The following UBE2E3 variants were observed in gnomAD, a reference collection of about 807,000 sequenced individuals.
UBE2E3 encodes the protein ubiquitin-conjugating enzyme E2 E3.
UBE2E3 carries 5 observed loss-of-function variants against 23.6 expected under a neutral mutation model. The observed-to-expected ratio is 0.21, with a 90% CI of 0.11 to 0.44. UBE2E3 has a LOEUF of 0.44. Among genes scored for constraint, UBE2E3 ranks in the 20% least tolerant of loss-of-function variants. The probability of loss-of-function intolerance (pLI) is 0.99; values close to 1 mark genes in which losing one functional copy is unlikely to be tolerated. For missense variants in UBE2E3, 81 were observed against 249.8 expected (o/e 0.32, Z 4.55); for synonymous variants, 78 against 87.5 (o/e 0.89, Z 0.60).
chr2:181,036,247 C>T (rs1686276383), intron 3 of UBE2E3, among the ~76,000 whole-genome samples: 1 of 151,758 alleles, frequency 6.6e-6, no homozygotes, highest in South Asian at 2.1e-4. Flanking sequence ...AATAAGGAGC[C>T]CAGAAGTAGA....
rs533973503 is a variant in UBE2E3, at chr2:181,006,357, T to G, written c.245+22264T>G. 2.1e-5 allele frequency among the ~76,000 whole-genome samples: 3 copies of G among 140,766 alleles called. No individual in the cohort carries two copies. The South Asian group carries it at 7.2e-4, about 34-fold the overall frequency. The allele number at this position is 140,766 out of a possible 152,430, so 92.3% of individuals were successfully genotyped here. On this transcript the variant is annotated intron_variant, in intron 3 of 5. Transcript: ENST00000410062. ...CACCTCCCTGTTCAATGTATATGCA[T>G]TCTGTTCATATTGTTTGTGATTTCA...
At chr2:181,002,431 T>G (rs987130438) in intron 3 of UBE2E3, among the ~76,000 whole-genome samples, 3 of 152,176 alleles carry the variant, frequency 2.0e-5, no homozygotes, top group Non-Finnish European at 4.4e-5. Flanking sequence ...TCACAATACT[T>G]TTTTTGAAGA....
chr2:180,986,737 T>A (rs1335559053), intron 3 of UBE2E3, among the ~76,000 whole-genome samples: 1 of 152,136 alleles, frequency 6.6e-6, no homozygotes, highest in Non-Finnish European at 1.5e-5. Flanking sequence ...GTTTTGAATA[T>A]GATTTTTACA....
At chr2:181,017,637 C>T (rs932338656) in intron 3 of UBE2E3, among the ~76,000 whole-genome samples, 1 of 76,754 alleles carries the variant, frequency 1.3e-5, no homozygotes, top group Non-Finnish European at 2.7e-5. Flanking sequence ...CTACTCTGGA[C>T]TCTTCCTTGA....
At chr2:181,033,536 G>A (rs1686158030) in intron 3 of UBE2E3, among the ~76,000 whole-genome samples, 1 of 151,826 alleles carries the variant, frequency 6.6e-6, no homozygotes, top group South Asian at 2.1e-4. Flanking sequence ...AATTCAAGAT[G>A]GATTAAAGAC....
At position 180,980,739 on chromosome 2, in the gene UBE2E3, C is replaced by G. The variant is rs1005610768; in HGVS notation, c.-260C>G. The G allele has an allele frequency of 6.7e-6, 1 of 148,942 alleles. No individual in the cohort carries two copies. The highest frequency in any genetic ancestry group is 1.5e-5 in the Non-Finnish European group (1 of 66,848). 9.2% of individuals were successfully genotyped at this position (148,942 alleles called of 1,614,324 possible). A position where few individuals can be genotyped will look rare whatever the true frequency, so the allele number is the denominator to read the frequency against. ...CCTCGCCCAGCCGAGCTCCCACCCC[C>G]GCTTTTTTCCGAAGGCGCTGGGCGG... On this transcript the variant is annotated 5_prime_UTR_variant, in exon 1 of 6. Coordinates refer to ENST00000410062, the MANE Select transcript of UBE2E3 (RefSeq NM_006357.4). This position sits in a 1 kb window ranked among gnomAD's most constrained non-coding sequence, Gnocchi z 5.5.
chr2:181,033,516 T>C (rs1329595980), intron 3 of UBE2E3, among the ~76,000 whole-genome samples: 2 of 151,940 alleles, frequency 1.3e-5, no homozygotes, highest in Non-Finnish European at 2.9e-5. Context: ...TTACACCTTA[T>C]ACAAAAATTA....
At chr2:180,984,947 C>A (rs575750787) in intron 3 of UBE2E3, among the ~76,000 whole-genome samples, 1 of 151,758 alleles carries the variant, frequency 6.6e-6, no homozygotes, top group Non-Finnish European at 1.5e-5. Flanking sequence ...CTCAATAATG[C>A]GAGTGGCTGC....
At chr2:181,023,696 ACT>A (rs1685780581) in intron 3 of UBE2E3, among the ~76,000 whole-genome samples, 1 of 152,036 alleles carries the variant, frequency 6.6e-6, no homozygotes, top group Non-Finnish European at 1.5e-5. Flanking sequence ...GAGAGCATGG[ACT>A]CTATCTTGGT....
At chr2:181,060,844 G>C in intron 5 of UBE2E3, 32 bp downstream of exon 5, 1 of 684,688 alleles carries the variant, frequency 1.5e-6, no homozygotes, top group Non-Finnish European at 2.2e-6. Flanking sequence ...TGTACAATAA[G>C]ACTACAAAAA....
At position 181,016,383 on chromosome 2, in the gene UBE2E3, AC is replaced by A. The variant is rs1268877552; in HGVS notation, c.245+32292del. Among the ~76,000 whole-genome samples, 12 of 152,032 alleles carry A rather than the reference AC, an allele frequency of 7.9e-5. No individual in the cohort carries two copies. In the East Asian group the frequency reaches 9.6e-4, roughly 12 times the overall value. On this transcript the variant is annotated intron_variant, in intron 3 of 5. Transcript: ENST00000410062. ...GCATGAGCCACCATGCTTGGCTAAT[AC>A]CTTTTTGTCTTTATCAATAAAAATG...
At chr2:181,007,279 G>C (rs1050212115) in intron 3 of UBE2E3, among the ~76,000 whole-genome samples, 3 of 152,190 alleles carry the variant, frequency 2.0e-5, no homozygotes, top group Non-Finnish European at 4.4e-5. Flanking sequence ...AAAATAGCTT[G>C]CTACCTTATC....
At chr2:181,002,409 A>G (rs1337604381) in intron 3 of UBE2E3, among the ~76,000 whole-genome samples, 2 of 152,222 alleles carry the variant, frequency 1.3e-5, no homozygotes, top group African/African-American at 4.8e-5. Flanking sequence ...AAGCTGGCAG[A>G]TACCTATCAA....
At chr2:180,986,446 A>T (rs1332426311) in intron 3 of UBE2E3, among the ~76,000 whole-genome samples, 1 of 152,114 alleles carries the variant, frequency 6.6e-6, no homozygotes, top group Admixed American at 6.6e-5. Context: ...AAGGTGTTTT[A>T]GAACTTTGAC....
intron 3 of UBE2E3, among the ~76,000 whole-genome samples, chr2:181,021,632 TTTCCTTCC>T (rs544002192): frequency 0.065 from 2,588 of 40,006 alleles, 79 homozygotes; most frequent in South Asian, 0.17. Context: ...CCCTCCCTTT[TTTCCTTCC>T]TTCCTTCCTT....
chr2:181,036,691 C>T (rs563138848), intron 3 of UBE2E3, among the ~76,000 whole-genome samples: 46 of 152,276 alleles, frequency 3.0e-4, no homozygotes, highest in African/African-American at 1.1e-3. Flanking sequence ...CAGCCACCCT[C>T]TACCCTGAAC....
Position 180,984,039 on chromosome 2 carries a change from ACAGAATTCAGAAGGAGCTAG to A in UBE2E3, c.195-2_212del. On this transcript the variant is annotated splice_acceptor_variant and splice_polypyrimidine_tract_variant and coding_sequence_variant and intron_variant, in exon 3 of 6. Coordinates refer to ENST00000410062, the MANE Select transcript of UBE2E3 (RefSeq NM_006357.4). LOFTEE classifies it high-confidence loss of function. ...CTTTTTGTCTCTTCTCATTTCACTA[ACAGAATTCAGAAGGAGCTAG>A]CTGAAATAACCCTTGATCCTCCTCC... The A allele has an allele frequency of 6.2e-7, 1 of 1,610,660 alleles. No individual in the cohort carries two copies. Among genetic ancestry groups the A allele is most frequent in the Non-Finnish European group, 8.5e-7 (1 of 1,177,570 alleles).
chr2:180,997,884 A>G (rs911008151), intron 3 of UBE2E3, among the ~76,000 whole-genome samples: 11 of 152,138 alleles, frequency 7.2e-5, no homozygotes, highest in Admixed American at 6.6e-5. Flanking sequence ...CCCTTCCTGC[A>G]CATATCTCTT....
At chr2:181,006,119 T>C (rs1455169401) in intron 3 of UBE2E3, among the ~76,000 whole-genome samples, 1 of 152,186 alleles carries the variant, frequency 6.6e-6, no homozygotes, top group Non-Finnish European at 1.5e-5. Flanking sequence ...TCTCTTACTC[T>C]GACAGCAAGG....
Sources: gnomAD v4.1 joint callset for allele counts (sites outside exome capture counted in the v4.1 genomes callset) on GRCh38, gnomAD v4.1.1 for gene constraint, Gnocchi (gnomAD v3.1) non-coding constraint, MANE v1.5 for transcripts, NCBI Gene and HGNC (gene_info 2026-07-23, HGNC 2026-07-21) for gene names.